KCNC1: variants seen among roughly 807,000 people sequenced by gnomAD.
KCNC1 encodes the protein potassium voltage-gated channel subfamily C member 1.
Under a neutral mutation model 43.4 loss-of-function variants are expected in KCNC1, and 8 were observed. That is an observed-to-expected ratio of 0.18 (90% CI 0.11 to 0.33). KCNC1 has a LOEUF of 0.33. KCNC1 is among the 10% of genes least tolerant of loss of function. KCNC1 has a pLI of 1.00. For missense variants in KCNC1, 420 were observed against 836.0 expected (o/e 0.50, Z 6.14); for synonymous variants, 361 against 360.5 (o/e 1.00, Z -0.01).
In KCNC1 at chr11:17,777,052, C is replaced by G; in HGVS notation, c.1505-2404C>G. On this transcript the variant is annotated intron_variant, in intron 2 of 3. Coordinates refer to ENST00000265969, the MANE Select transcript of KCNC1 (RefSeq NM_001112741.2). The surrounding 1 kb of genome is among the most constrained non-coding windows in gnomAD (Gnocchi z 4.3). ...GGAAAGGTGCCAGGCTATCATCCCT[C>G]CAGGGATCCCTGATGGATGTTCCTT... 1 of 985,290 alleles carries G rather than the reference C, an allele frequency of 1.0e-6. No homozygotes were observed. The highest frequency in any genetic ancestry group is 1.2e-6 in the Non-Finnish European group (1 of 829,896). 61.0% of individuals were successfully genotyped at this position (985,290 alleles called of 1,614,324 possible). A position where few individuals can be genotyped will look rare whatever the true frequency, so the allele number is the denominator to read the frequency against.
intron 1 of KCNC1, among the ~76,000 whole-genome samples, chr11:17,765,036 G>T (rs1423047892): frequency 4.6e-5 from 7 of 152,176 alleles, no homozygotes; most frequent in Non-Finnish European, 1.0e-4. Context: ...ATGTCAGCCA[G>T]GGCTCCCCTG....
chr11:17,748,066 TAGGGCAAAGAA>T (rs1848921439), intron 1 of KCNC1, among the ~76,000 whole-genome samples: 1 of 152,234 alleles, frequency 6.6e-6, no homozygotes, highest in Non-Finnish European at 1.5e-5. Flanking sequence ...AAGCTGAGAA[TAGGGCAAAGAA>T]CAAAACCACC....
chr11:17,774,419 G>T lies in KCNC1; in HGVS notation c.1504+1821G>T, dbSNP rs111260885. On this transcript the variant is annotated intron_variant, in intron 2 of 3. Transcript: ENST00000265969. ...CAGGAGTGTTGCCCCAAGCACAGGT[G>T]CCCTGGGCCAGCCAGTCAAGAATCC... is the stretch of plus-strand genomic sequence containing the variant. 4.1e-6 allele frequency: 4 copies of T among 985,542 alleles called. No homozygotes were observed. The African/African-American group carries it at 5.2e-5, about 13-fold the overall frequency. 61.0% of individuals were successfully genotyped at this position (985,542 alleles called of 1,614,324 possible). A position where few individuals can be genotyped will look rare whatever the true frequency, so the allele number is the denominator to read the frequency against.
At position 17,771,253 on chromosome 11, in the gene KCNC1, A is replaced by ACTTTTG. The variant is rs75102694; in HGVS notation, c.571-412_571-411insCTTTTG. Among the ~76,000 whole-genome samples, 1 of 151,906 alleles carries ACTTTTG rather than the reference A, an allele frequency of 6.6e-6. No homozygotes were observed. The highest frequency in any genetic ancestry group is 1.5e-5 in the Non-Finnish European group (1 of 67,936). ...AACTTCAGCCCCAGCAGGCTAGCTA[A>ACTTTTG]ATGGGCAGGGTAGCTAAATGCCTTA... On this transcript the variant is annotated intron_variant, in intron 1 of 3. Coordinates refer to ENST00000265969, the MANE Select transcript of KCNC1 (RefSeq NM_001112741.2). This position sits in a 1 kb window ranked among gnomAD's most constrained non-coding sequence, Gnocchi z 4.7.
chr11:17,781,703 A>G lies in KCNC1; in HGVS notation c.1727A>G (p.Tyr576Cys). The change falls in exon 4 of 4, where the codon TAT becomes TGT. Residue 576 changes from tyrosine (Y) to cysteine (C), a missense_variant. Coordinates refer to ENST00000265969, the MANE Select transcript of KCNC1 (RefSeq NM_001112741.2). The surrounding 1 kb of genome is among the most constrained non-coding windows in gnomAD (Gnocchi z 5.1). ...LCKESPVIAKYMPTEAVRVT is the reference protein window; with the variant it reads ...LCKESPVIAKCMPTEAVRVT Reference sequence around the variant, plus strand: ...AAAGAAAGCCCTGTCATTGCTAAGTATATGCCGACAGAGGCTGTGAGAGTG... The same window carrying G: ...AAAGAAAGCCCTGTCATTGCTAAGTGTATGCCGACAGAGGCTGTGAGAGTG... 1 of 1,551,566 alleles carries G rather than the reference A, an allele frequency of 6.4e-7. No individual in the cohort carries two copies. The highest frequency in any genetic ancestry group is 2.4e-5 in the East Asian group (1 of 40,922).
rs1279288804 is a variant in KCNC1, at chr11:17,781,453, C to A, written c.1694-217C>A. ...CAGGTGTGTGAGTCAATGTGCAGAG[C>A]AGAAGTAGGGACTCATCCCATTCCC... On this transcript the variant is annotated intron_variant, in intron 3 of 3. Coordinates refer to ENST00000265969, the MANE Select transcript of KCNC1 (RefSeq NM_001112741.2). This position sits in a 1 kb window ranked among gnomAD's most constrained non-coding sequence, Gnocchi z 5.1. The A allele has an allele frequency of 1.8e-6, 1 of 546,542 alleles. No individual in the cohort carries two copies. The highest frequency in any genetic ancestry group is 3.1e-5 in the East Asian group (1 of 32,756). 33.9% of individuals were successfully genotyped at this position (546,542 alleles called of 1,614,324 possible). A position where few individuals can be genotyped will look rare whatever the true frequency, so the allele number is the denominator to read the frequency against.
chr11:17,736,515 C>T lies in KCNC1; in HGVS notation c.513C>T (p.Arg171=). The T allele has an allele frequency of 1.9e-6, 3 of 1,586,462 alleles. No individual in the cohort carries two copies. The highest frequency in any genetic ancestry group is 2.6e-6 in the Non-Finnish European group (3 of 1,173,504). ...PDGRPGGFWR[R]WQPRIWALFE... Reference sequence around the variant, plus strand: ...GCCGGCCTGGCGGCTTTTGGCGCCGCTGGCAGCCGCGCATCTGGGCGCTCT... The same window carrying T: ...GCCGGCCTGGCGGCTTTTGGCGCCGTTGGCAGCCGCGCATCTGGGCGCTCT... The change falls in exon 1 of 4, where the codon CGC becomes CGT. Residue 171 remains arginine, a synonymous_variant. Coordinates refer to ENST00000265969, the MANE Select transcript of KCNC1 (RefSeq NM_001112741.2). The surrounding 1 kb of genome is among the most constrained non-coding windows in gnomAD (Gnocchi z 9.3).
At position 17,773,576 on chromosome 11, in the gene KCNC1, G is replaced by A; in HGVS notation, c.1504+978G>A. On this transcript the variant is annotated intron_variant, in intron 2 of 3. Coordinates refer to ENST00000265969, the MANE Select transcript of KCNC1 (RefSeq NM_001112741.2). This position sits in a 1 kb window ranked among gnomAD's most constrained non-coding sequence, Gnocchi z 4.1. ...CTGGGGGCCGGGAGGGGGGAGGGGGGCATGAAACAATACTAGTCACCGTGG... is the reference window on the plus strand; with the variant it reads ...CTGGGGGCCGGGAGGGGGGAGGGGGACATGAAACAATACTAGTCACCGTGG... 4.1e-6 allele frequency: 4 copies of A among 984,848 alleles called. No homozygotes were observed. The highest frequency in any genetic ancestry group is 4.8e-6 in the Non-Finnish European group (4 of 829,722). 61.0% of individuals were successfully genotyped at this position (984,848 alleles called of 1,614,324 possible). A position where few individuals can be genotyped will look rare whatever the true frequency, so the allele number is the denominator to read the frequency against.
intron 1 of KCNC1, among the ~76,000 whole-genome samples, chr11:17,760,253 A>G (rs1849063117): frequency 6.6e-6 from 1 of 152,222 alleles, no homozygotes; most frequent in Non-Finnish European, 1.5e-5. Context: ...TCAGAGCAAA[A>G]GAGAAAATGT....
Position 17,773,342 on chromosome 11 carries a change from T to A in KCNC1, c.1504+744T>A. On this transcript the variant is annotated intron_variant, in intron 2 of 3. Coordinates refer to ENST00000265969, the MANE Select transcript of KCNC1 (RefSeq NM_001112741.2). This position sits in a 1 kb window ranked among gnomAD's most constrained non-coding sequence, Gnocchi z 4.1. ...CTAGCTTTCACGTTGTCTGTTTGGG[T>A]TGATGGTCGAGTGGGAGTTTCCGGT... 3 of 985,326 alleles carry A rather than the reference T, an allele frequency of 3.0e-6. No homozygotes were observed. Among genetic ancestry groups the A allele is most frequent in the Non-Finnish European group, 3.6e-6 (3 of 829,912 alleles). The allele number at this position is 985,326 out of a possible 1,614,324, so 61.0% of individuals were successfully genotyped here. A position where few individuals can be genotyped will look rare whatever the true frequency, so the allele number is the denominator to read the frequency against.
intron 1 of KCNC1, among the ~76,000 whole-genome samples, chr11:17,755,277 G>A (rs898275590): frequency 4.5e-4 from 69 of 152,260 alleles, no homozygotes; most frequent in African/African-American, 1.5e-3. Flanking sequence ...AGATCAAGTC[G>A]GATCTGCAAG....
At chr11:17,743,040 C>T (rs1418944199) in intron 1 of KCNC1, among the ~76,000 whole-genome samples, 3 of 152,176 alleles carry the variant, frequency 2.0e-5, no homozygotes, top group Non-Finnish European at 4.4e-5. Flanking sequence ...CAGGATTTTC[C>T]AGAACCCCCT....
At chr11:17,774,422 CTG>C in intron 2 of KCNC1, 1 of 985,564 alleles carries the variant, frequency 1.0e-6, no homozygotes, top group Non-Finnish European at 1.2e-6. Context: ...CACAGGTGCC[CTG>C]GGCCAGCCAG....
chr11:17,764,073 G>A (rs1849116917), intron 1 of KCNC1, among the ~76,000 whole-genome samples: 1 of 81,998 alleles, frequency 1.2e-5, no homozygotes, highest in South Asian at 4.0e-4. Flanking sequence ...CCCCACACAT[G>A]CACACACCTA....
At chr11:17,764,810 G>A (rs1590103339) in intron 1 of KCNC1, among the ~76,000 whole-genome samples, 2 of 148,454 alleles carry the variant, frequency 1.3e-5, no homozygotes, top group East Asian at 4.2e-4. Context: ...AGCCGGCCCA[G>A]CACACTGTGA....
Position 17,773,735 on chromosome 11 carries a change from C to T in KCNC1, c.1504+1137C>T. 1 of 985,412 alleles carries T rather than the reference C, an allele frequency of 1.0e-6. No homozygotes were observed. Among genetic ancestry groups the T allele is most frequent in the Non-Finnish European group, 1.2e-6 (1 of 829,936 alleles). 61.0% of individuals were successfully genotyped at this position (985,412 alleles called of 1,614,324 possible). On this transcript the variant is annotated intron_variant, in intron 2 of 3. Coordinates refer to ENST00000265969, the MANE Select transcript of KCNC1 (RefSeq NM_001112741.2). The surrounding 1 kb of genome is among the most constrained non-coding windows in gnomAD (Gnocchi z 4.1). ...ATAAAGCCCATAGTCTACCTCTACCCATGGAATACCATCGACTTATTCTGT... is the reference window on the plus strand; with the variant it reads ...ATAAAGCCCATAGTCTACCTCTACCTATGGAATACCATCGACTTATTCTGT...
At chr11:17,745,681 A>G (rs1038307602) in intron 1 of KCNC1, among the ~76,000 whole-genome samples, 4 of 151,440 alleles carry the variant, frequency 2.6e-5, no homozygotes, top group South Asian at 2.1e-4. Flanking sequence ...TCCCTCCCCC[A>G]GCCTCCATGG....
In KCNC1 at chr11:17,779,502, A is replaced by C. The variant is rs1373012058; in HGVS notation, c.1551A>C (p.Glu517Asp). Residue 517 changes from glutamate (E) to aspartate (D), a missense_variant, in exon 3 of 4, where the codon GAA becomes GAC. Around this residue, in one of 5 missense-constraint regions of KCNC1, gnomAD observed 147 missense variants for 176.1 expected, o/e 0.83. Transcript: ENST00000265969. The surrounding 1 kb of genome is among the most constrained non-coding windows in gnomAD (Gnocchi z 7.2). ...GEVAKAALAN[E>D]DCPHIDQALT... ...TGGCGAAGGCCGCGCTGGCGAACGAAGACTGCCCCCACATAGACCAGGCCC... is the reference window on the plus strand; with the variant it reads ...TGGCGAAGGCCGCGCTGGCGAACGACGACTGCCCCCACATAGACCAGGCCC... 6.4e-7 allele frequency: 1 copy of C among 1,550,832 alleles called. No homozygotes were observed. The highest frequency in any genetic ancestry group is 2.4e-5 in the East Asian group (1 of 40,880).
intron 2 of KCNC1, chr11:17,775,281 T>TGCCCA: frequency 4.3e-6 from 4 of 935,778 alleles, no homozygotes; most frequent in Non-Finnish European, 5.1e-6. Context: ...TCTGAGGGCA[T>TGCCCA]CCCTCCCGCC....
Sources: gnomAD v4.1 joint callset for allele counts (sites outside exome capture counted in the v4.1 genomes callset) on GRCh38, gnomAD v4.1.1 for gene constraint, gnomAD v4.1.1 regional missense constraint, Gnocchi (gnomAD v3.1) non-coding constraint, MANE v1.5 for transcripts, NCBI Gene and HGNC (gene_info 2026-07-23, HGNC 2026-07-21) for gene names.